The following LRFN2 variants were observed in gnomAD, a reference collection of about 807,000 sequenced individuals.
LRFN2 encodes the protein leucine rich repeat and fibronectin type III domain containing 2, also known as leucine-rich repeat and fibronectin type-III domain-containing protein 2.
A neutral mutation model predicts 37.3 loss-of-function variants in LRFN2; 18 were observed. The ratio of observed to expected loss-of-function variants is 0.48; its 90% CI spans 0.33 to 0.72. The LOEUF (loss-of-function observed/expected upper bound fraction) is 0.72. LRFN2 is among the 30% of genes least tolerant of loss of function. The probability of loss-of-function intolerance (pLI) is 0.02; values close to 1 mark genes in which losing one functional copy is unlikely to be tolerated. For missense variants in LRFN2, 1,006 were observed against 1,060.7 expected (o/e 0.95, Z 0.72); for synonymous variants, 556 against 466.6 (o/e 1.19, Z -2.47).
intron 1 of LRFN2, among the ~76,000 whole-genome samples, chr6:40,500,272 A>G (rs1162707968): frequency 6.6e-6 from 1 of 152,148 alleles, no homozygotes; most frequent in Non-Finnish European, 1.5e-5. Flanking sequence ...TTGCCCTCTT[A>G]TTTCCTGTCA....
intron 1 of LRFN2, among the ~76,000 whole-genome samples, chr6:40,493,050 G>C (rs1264303723): frequency 1.3e-5 from 2 of 152,086 alleles, no homozygotes; most frequent in Non-Finnish European, 2.9e-5. Flanking sequence ...AGGGTGGTCA[G>C]GAAGAGGGGA....
intron 1 of LRFN2, among the ~76,000 whole-genome samples, chr6:40,522,387 A>G (rs1282580497): frequency 6.6e-6 from 1 of 152,158 alleles, no homozygotes; most frequent in East Asian, 1.9e-4. Flanking sequence ...GAAAAGGCCC[A>G]GAGCCCCAGC....
chr6:40,459,499 T>C (rs2436730), intron 1 of LRFN2, among the ~76,000 whole-genome samples: 23,543 of 152,204 alleles, frequency 0.15, 2,042 homozygotes, highest in Admixed American at 0.22. Flanking sequence ...AAAACATGTG[T>C]GTTTTGCTGT....
intron 1 of LRFN2, among the ~76,000 whole-genome samples, chr6:40,562,972 G>T (rs1029529873): frequency 6.6e-6 from 1 of 151,968 alleles, no homozygotes; most frequent in Non-Finnish European, 1.5e-5. Context: ...GCGGTGTGGG[G>T]GTCAGTTTGT....
chr6:40,435,602 G>C (rs1449586094), intron 1 of LRFN2, among the ~76,000 whole-genome samples: 1 of 151,978 alleles, frequency 6.6e-6, no homozygotes, highest in Non-Finnish European at 1.5e-5. Flanking sequence ...ACAGTGGCAT[G>C]ATCTCAGCTC....
intron 1 of LRFN2, among the ~76,000 whole-genome samples, chr6:40,496,037 C>T (rs557297717): frequency 2.0e-5 from 3 of 152,088 alleles, no homozygotes; most frequent in Non-Finnish European, 2.9e-5. Context: ...GAGCCTCTCC[C>T]AACTCAGAAA....
At chr6:40,508,905 A>G in intron 1 of LRFN2, among the ~76,000 whole-genome samples, 1 of 152,182 alleles carries the variant, frequency 6.6e-6, no homozygotes, top group East Asian at 1.9e-4. Flanking sequence ...TCTGGACCTC[A>G]TTCTCACATC....
chr6:40,554,073 G>A (rs765555967), intron 1 of LRFN2, among the ~76,000 whole-genome samples: 2 of 152,062 alleles, frequency 1.3e-5, no homozygotes, highest in African/African-American at 4.8e-5. Flanking sequence ...ATCTACCTAC[G>A]ACCCTCCATT....
At chr6:40,398,598 T>A (rs899288189) in intron 2 of LRFN2, among the ~76,000 whole-genome samples, 4 of 151,720 alleles carry the variant, frequency 2.6e-5, no homozygotes, top group African/African-American at 4.8e-5. Flanking sequence ...GTCCCTGAAA[T>A]CCTGAGAGAT....
chr6:40,568,944 G>A (rs182149710), intron 1 of LRFN2, among the ~76,000 whole-genome samples: 4 of 152,184 alleles, frequency 2.6e-5, no homozygotes, highest in African/African-American at 7.2e-5. Flanking sequence ...ACTAAGACAC[G>A]CAGAGATCAG....
At chr6:40,393,304 G>A (rs1391340302) in intron 2 of LRFN2, among the ~76,000 whole-genome samples, 2 of 152,020 alleles carry the variant, frequency 1.3e-5, no homozygotes, top group Non-Finnish European at 2.9e-5. Flanking sequence ...GGTATAGACC[G>A]AGGATGTGTC....
chr6:40,444,151 T>A (rs745634327), intron 1 of LRFN2, among the ~76,000 whole-genome samples: 1 of 152,176 alleles, frequency 6.6e-6, no homozygotes, highest in Non-Finnish European at 1.5e-5. Context: ...GAGAGTTTAT[T>A]TGGAGGAGCA....
At chr6:40,525,536 G>C (rs1766227654) in intron 1 of LRFN2, among the ~76,000 whole-genome samples, 1 of 152,166 alleles carries the variant, frequency 6.6e-6, no homozygotes, top group African/African-American at 2.4e-5. Context: ...TGTAAATAAT[G>C]CAATCTCTCA....
intron 2 of LRFN2, among the ~76,000 whole-genome samples, chr6:40,421,407 A>T (rs964820600): frequency 3.9e-5 from 6 of 152,212 alleles, no homozygotes; most frequent in African/African-American, 1.4e-4. Context: ...ACATCAATCA[A>T]TACATGTAAG....
chr6:40,463,331 C>G (rs1215628480), intron 1 of LRFN2, among the ~76,000 whole-genome samples: 1 of 152,190 alleles, frequency 6.6e-6, no homozygotes, highest in Non-Finnish European at 1.5e-5. Context: ...TTTGGAGGCT[C>G]TTTATCTCTC....
At position 40,432,269 on chromosome 6, in the gene LRFN2, T is replaced by A. The variant is rs1227758711; in HGVS notation, c.845A>T (p.Glu282Val). The A allele has an allele frequency of 3.1e-6, 5 of 1,613,960 alleles. No individual in the cohort carries two copies. Among genetic ancestry groups the A allele is most frequent in the Non-Finnish European group, 4.2e-6 (5 of 1,180,004 alleles). ...KGRYFWHVRE[E>V]EFVCEPPLIT... ...GAGAGGCGGCTCGCACACAAACTCCTCCTCACGCACATGCCAGAAGTAGCG... is the reference window on the plus strand; with the variant it reads ...GAGAGGCGGCTCGCACACAAACTCCACCTCACGCACATGCCAGAAGTAGCG... The change falls in exon 2 of 3, where the codon GAG becomes GTG. Residue 282 changes from glutamate (E) to valine (V), a missense_variant. This residue lies in a region of LRFN2 where 303 missense variants were observed against 299.8 expected (regional missense o/e 1.01). Transcript: ENST00000338305.
intron 1 of LRFN2, among the ~76,000 whole-genome samples, chr6:40,495,462 T>C (rs1028724733): frequency 5.9e-5 from 9 of 152,218 alleles, no homozygotes; most frequent in Non-Finnish European, 1.2e-4. Context: ...TCTCTTCATG[T>C]TGGGCATTTA....
intron 2 of LRFN2, among the ~76,000 whole-genome samples, chr6:40,400,038 C>A (rs1388725650): frequency 6.6e-6 from 1 of 151,764 alleles, no homozygotes; most frequent in Non-Finnish European, 1.5e-5. Flanking sequence ...TATCTTTCTC[C>A]ACTGGGTGAC....
chr6:40,409,726 G>A (rs1159060083), intron 2 of LRFN2, among the ~76,000 whole-genome samples: 1 of 152,158 alleles, frequency 6.6e-6, no homozygotes. Context: ...TAAATGTGAG[G>A]TGTCCATTTT....
Sources: allele counts gnomAD v4.1 joint callset (sites outside exome capture counted in the v4.1 genomes callset), GRCh38; gene constraint gnomAD v4.1.1; regional missense constraint gnomAD v4.1.1; transcripts MANE v1.5; gene names NCBI Gene and HGNC (gene_info 2026-07-23, HGNC 2026-07-21).